Variants in RBM19 observed in about 807,000 individuals in gnomAD.
RBM19 encodes RNA binding motif protein 19.
In RBM19, 94 loss-of-function variants were observed where a neutral mutation model predicts 116.8. The ratio of observed to expected loss-of-function variants is 0.80; its 90% CI spans 0.68 to 0.95. RBM19 has a LOEUF of 0.95. RBM19 is among the 40% of genes least tolerant of loss of function. The pLI is 0.00. For synonymous variants in RBM19, 475 were observed against 494.1 expected (o/e 0.96, Z 0.51); for missense variants, 1,161 against 1,220.7 (o/e 0.95, Z 0.73).
rs892250695 is a variant in RBM19, at chr12:113,847,724, C to G, written c.2665-2936G>C. Among the ~76,000 whole-genome samples the G allele has an allele frequency of 2.0e-5, 3 of 152,162 alleles. No individual in the cohort carries two copies. The East Asian group carries it at 5.8e-4, about 29-fold the overall frequency. On this transcript the variant is annotated intron_variant, in intron 22 of 23. Transcript: ENST00000261741. ...TAGGTCCGGGTGAGAGGCCCCAACC[C>G]CAGCCTCTCTGTTTCCCACTGTCAG...
chr12:113,900,367 G>T (rs1476016570), intron 21 of RBM19, among the ~76,000 whole-genome samples: 2 of 152,148 alleles, frequency 1.3e-5, no homozygotes, highest in African/African-American at 4.8e-5. Flanking sequence ...TATCAAAGAC[G>T]CTGGCCCCAC....
chr12:113,936,873 G>C (rs1477715873), intron 16 of RBM19, 134 bp downstream of exon 16: 1 of 1,197,032 alleles, frequency 8.4e-7, no homozygotes, highest in Non-Finnish European at 1.2e-6. Flanking sequence ...CTGAGAGTCT[G>C]AGCCCTGCTG....
intron 21 of RBM19, among the ~76,000 whole-genome samples, chr12:113,878,843 A>AG (rs145209097): frequency 3.0e-3 from 300 of 100,514 alleles, no homozygotes; most frequent in African/African-American, 5.2e-3. Context: ...AAAAAAAAAA[A>AG]GGGGGGGGTG....
intron 9 of RBM19, among the ~76,000 whole-genome samples, chr12:113,949,490 C>T (rs1303258865): frequency 2.6e-5 from 4 of 152,182 alleles, no homozygotes; most frequent in Admixed American, 1.3e-4. Flanking sequence ...AATAAATACC[C>T]ACCTCCTGAC....
At chr12:113,892,252 C>T (rs994441898) in intron 21 of RBM19, among the ~76,000 whole-genome samples, 1 of 152,162 alleles carries the variant, frequency 6.6e-6, no homozygotes, top group Non-Finnish European at 1.5e-5. Flanking sequence ...TAACCAGCCA[C>T]GAGACCTCAG....
chr12:113,820,806 C>G (rs1313540468), downstream of RBM19, among the ~76,000 whole-genome samples: 2 of 152,200 alleles, frequency 1.3e-5, no homozygotes, highest in Admixed American at 6.5e-5. Context: ...GGCTGCCTCA[C>G]TCCCCACTGC....
chr12:113,962,809 C>G lies in RBM19; in HGVS notation c.37-395G>C, dbSNP rs1005861155. On this transcript the variant is annotated intron_variant, in intron 1 of 23. Coordinates refer to ENST00000261741, the MANE Select transcript of RBM19 (RefSeq NM_016196.4). ...GCTATATATATCTTTGTTAATAAAG[C>G]CCCCCCAAAAGATGCCCACATCCTA... Among the ~76,000 whole-genome samples, 3 of 151,988 alleles carry G rather than the reference C, an allele frequency of 2.0e-5. No individual in the cohort carries two copies. The South Asian group carries it at 6.2e-4, about 32-fold the overall frequency.
intron 9 of RBM19, among the ~76,000 whole-genome samples, 200 bp from the exon 10 acceptor site, chr12:113,949,236 AC>A (rs1449680077): frequency 6.6e-6 from 1 of 151,864 alleles, no homozygotes; most frequent in Non-Finnish European, 1.5e-5. Context: ...AATCTCACTC[AC>A]CCTGCCAGTT....
chr12:113,851,619 T>C (rs1877454359), intron 22 of RBM19, among the ~76,000 whole-genome samples: 1 of 152,132 alleles, frequency 6.6e-6, no homozygotes, highest in African/African-American at 2.4e-5. Flanking sequence ...TGCTTCAGCC[T>C]CTCAGAGCTG....
chr12:113,877,220 C>T (rs1879735638), intron 21 of RBM19, among the ~76,000 whole-genome samples: 1 of 152,242 alleles, frequency 6.6e-6, no homozygotes, highest in East Asian at 1.9e-4. Context: ...ACACCAGTGA[C>T]CACTGATGAC....
intron 5 of RBM19, among the ~76,000 whole-genome samples, chr12:113,958,840 C>T (rs1182696855): frequency 6.6e-6 from 1 of 152,128 alleles, no homozygotes; most frequent in Non-Finnish European, 1.5e-5. Flanking sequence ...TTCCTGCTTT[C>T]TCTCTGTAGC....
In RBM19 at chr12:113,843,146, A is replaced by G. The variant is rs1332222173; in HGVS notation, c.2785+1522T>C. ...GCCCCACTGGAAGGCTCCTATCTCC[A>G]TAAGAGAAACTGTTCCCAAGGTGCT... is the stretch of plus-strand genomic sequence containing the variant. On this transcript the variant is annotated intron_variant, in intron 23 of 23. Coordinates refer to ENST00000261741, the MANE Select transcript of RBM19 (RefSeq NM_016196.4). Among the ~76,000 whole-genome samples, 4 of 152,204 alleles carry G rather than the reference A, an allele frequency of 2.6e-5. No homozygotes were observed. The East Asian group carries it at 7.7e-4, about 29-fold the overall frequency.
At chr12:113,853,775 G>A (rs1483975260) in intron 22 of RBM19, among the ~76,000 whole-genome samples, 3 of 152,214 alleles carry the variant, frequency 2.0e-5, no homozygotes, top group Non-Finnish European at 2.9e-5. Context: ...TGGCAGGGTT[G>A]GAAGGCAGCA....
intron 22 of RBM19, among the ~76,000 whole-genome samples, chr12:113,847,036 C>T (rs1393882583): frequency 6.6e-6 from 1 of 152,190 alleles, no homozygotes; most frequent in East Asian, 1.9e-4. Context: ...TGAAGCCATC[C>T]GGTCTGTGGC....
intron 23 of RBM19, among the ~76,000 whole-genome samples, chr12:113,840,325 C>G (rs974932832): frequency 1.3e-5 from 2 of 152,228 alleles, no homozygotes; most frequent in African/African-American, 4.8e-5. Flanking sequence ...GCAGGGAGGT[C>G]TGACACTCTG....
intron 21 of RBM19, among the ~76,000 whole-genome samples, chr12:113,875,455 G>A (rs1331861095): frequency 6.6e-6 from 1 of 152,196 alleles, no homozygotes; most frequent in East Asian, 1.9e-4. Flanking sequence ...TCTGTGCGTG[G>A]CCTGGAGTCC....
chr12:113,948,267 A>G (rs1180224847), intron 10 of RBM19, among the ~76,000 whole-genome samples: 1 of 152,146 alleles, frequency 6.6e-6, no homozygotes, highest in Non-Finnish European at 1.5e-5. Context: ...CCCTTCAACA[A>G]TGGTAACTCC....
At chr12:113,926,916 G>A (rs1869128523) in intron 17 of RBM19, 138 bp downstream of exon 17, 1 of 1,002,934 alleles carries the variant, frequency 1.0e-6, no homozygotes. Flanking sequence ...AAAGGGTCAA[G>A]TAGGTGGTGC....
Position 113,898,268 on chromosome 12 carries a change from A to T in RBM19, c.2558+16701T>A, listed in dbSNP as rs116290688. On this transcript the variant is annotated intron_variant, in intron 21 of 23. Coordinates refer to ENST00000261741, the MANE Select transcript of RBM19 (RefSeq NM_016196.4). The surrounding 1 kb of genome is among the most constrained non-coding windows in gnomAD (Gnocchi z 4.3). ...TTCAGGTTTTTCTGTTTTTATTTAG[A>T]CAGTCTAATTTTTAATACGTGTACA... Among the ~76,000 whole-genome samples the T allele has an allele frequency of 6.6e-6, 1 of 152,072 alleles. No homozygotes were observed. The highest frequency in any genetic ancestry group is 1.9e-4 in the East Asian group (1 of 5,192).
Sources: gnomAD v4.1 joint callset for allele counts (sites outside exome capture counted in the v4.1 genomes callset) on GRCh38, gnomAD v4.1.1 for gene constraint, Gnocchi (gnomAD v3.1) non-coding constraint, MANE v1.5 for transcripts, NCBI Gene and HGNC (gene_info 2026-07-23, HGNC 2026-07-21) for gene names.